Variants in ASTN2 observed in about 807,000 individuals in gnomAD.
ASTN2 encodes the protein astrotactin-2.
In ASTN2, 54 loss-of-function variants were observed where a neutral mutation model predicts 139.8. The ratio of observed to expected loss-of-function variants is 0.39; its 90% CI spans 0.31 to 0.48. The LOEUF (loss-of-function observed/expected upper bound fraction) is 0.48, where lower values mean the gene tolerates loss of function less well. Ranked by LOEUF, ASTN2 falls within the 20% of genes least tolerant of loss-of-function variation. ASTN2 has a pLI of 0.95. For missense variants in ASTN2, 1,565 were observed against 1,725.1 expected (o/e 0.91, Z 1.64); for synonymous variants, 756 against 719.5 (o/e 1.05, Z -0.81).
intron 1 of ASTN2, among the ~76,000 whole-genome samples, chr9:117,333,070 G>C (rs894314981): frequency 4.6e-5 from 7 of 152,170 alleles, no homozygotes; most frequent in Non-Finnish European, 8.8e-5. Flanking sequence ...ATGGTTGCAT[G>C]TATCTGTGAA....
intron 6 of ASTN2, among the ~76,000 whole-genome samples, chr9:117,038,841 A>C (rs17307066): frequency 0.027 from 4,166 of 152,294 alleles, 86 homozygotes; most frequent in Non-Finnish European, 0.046. Context: ...TAACCACCTT[A>C]ATCAGGGTCT....
At chr9:117,343,758 C>A (rs1829129551) in intron 1 of ASTN2, among the ~76,000 whole-genome samples, 1 of 152,116 alleles carries the variant, frequency 6.6e-6, no homozygotes, top group South Asian at 2.1e-4. Context: ...AGTTCTATAC[C>A]AGCTTTATGT....
intron 5 of ASTN2, among the ~76,000 whole-genome samples, chr9:117,057,512 C>T (rs961002793): frequency 6.6e-6 from 1 of 152,200 alleles, no homozygotes; most frequent in Non-Finnish European, 1.5e-5. Flanking sequence ...AAAATGCCCA[C>T]ACCTGAACAG....
At chr9:117,046,328 T>C (rs1347298137) in intron 5 of ASTN2, among the ~76,000 whole-genome samples, 1 of 152,134 alleles carries the variant, frequency 6.6e-6, no homozygotes, top group Admixed American at 6.6e-5. Flanking sequence ...TGTGGATATC[T>C]AAATCCAAAG....
intron 20 of ASTN2, among the ~76,000 whole-genome samples, chr9:116,450,136 A>C (rs72757871): frequency 0.024 from 3,698 of 152,324 alleles, 67 homozygotes; most frequent in Non-Finnish European, 0.035. Flanking sequence ...TACAGCCCAC[A>C]GTCCAAATCT....
intron 3 of ASTN2, among the ~76,000 whole-genome samples, chr9:117,162,449 T>C (rs1830575538): frequency 6.6e-6 from 1 of 152,018 alleles, no homozygotes; most frequent in South Asian, 2.1e-4. Flanking sequence ...AGGCATTCGC[T>C]TATATGCCCA....
intron 5 of ASTN2, among the ~76,000 whole-genome samples, chr9:117,089,525 A>G (rs904623575): frequency 1.0e-4 from 14 of 138,954 alleles, no homozygotes; most frequent in African/African-American, 2.8e-4. Flanking sequence ...TTTTTTCCCC[A>G]TTCTTTATTA....
chr9:116,981,502 C>T (rs1012586985), intron 7 of ASTN2, among the ~76,000 whole-genome samples: 2 of 152,176 alleles, frequency 1.3e-5, no homozygotes, highest in Non-Finnish European at 2.9e-5. Flanking sequence ...CTAGTTCAAA[C>T]TTTCCCAGTT....
chr9:117,079,880 A>G (rs987393739), intron 5 of ASTN2, among the ~76,000 whole-genome samples: 1 of 152,256 alleles, frequency 6.6e-6, no homozygotes, highest in Non-Finnish European at 1.5e-5. Flanking sequence ...ATCACTTACC[A>G]TCTTCTCCAG....
intron 17 of ASTN2, among the ~76,000 whole-genome samples, chr9:116,651,176 C>T (rs1480582408): frequency 6.6e-6 from 1 of 152,078 alleles, no homozygotes; most frequent in Non-Finnish European, 1.5e-5. Flanking sequence ...CTTGGCCTCC[C>T]AAAGTGTTGA....
chr9:117,086,956 T>TA (rs773265554), intron 5 of ASTN2, among the ~76,000 whole-genome samples: 6 of 152,114 alleles, frequency 3.9e-5, no homozygotes, highest in Non-Finnish European at 8.8e-5. Context: ...TACAATGACT[T>TA]AGAGGCTGAT....
intron 16 of ASTN2, 119 bp from the exon 17 acceptor site, chr9:116,651,912 G>T: frequency 1.6e-6 from 2 of 1,256,190 alleles, no homozygotes; most frequent in Non-Finnish European, 2.2e-6. Context: ...GAAGTAAAAA[G>T]ATGATAGAGT....
In ASTN2 at chr9:116,632,198, A is replaced by AGGG. The variant is rs1311718818; in HGVS notation, c.3073-11756_3073-11755insCCC. On this transcript the variant is annotated intron_variant, in intron 17 of 22. Transcript: ENST00000313400. Reference sequence around the variant, plus strand: ...AGAGAGAGAGAGGGAGAGAGAGAGAAAGAAAGAAAAGAAAGAAAGAAAGAA... The same window carrying AGGG: ...AGAGAGAGAGAGGGAGAGAGAGAGAAGGGAGAAAGAAAAGAAAGAAAGAAAGAA... Among the ~76,000 whole-genome samples the AGGG allele has an allele frequency of 9.2e-3, 338 of 36,550 alleles. 1 individual carries two copies. Among genetic ancestry groups the AGGG allele is most frequent in the African/African-American group, 9.7e-3 (87 of 8,974 alleles). The allele number at this position is 36,550 out of a possible 152,430, so 24.0% of individuals were successfully genotyped here.
At position 116,633,527 on chromosome 9, in the gene ASTN2, G is replaced by A. The variant is rs139391844; in HGVS notation, c.3073-13084C>T. On this transcript the variant is annotated intron_variant, in intron 17 of 22. Transcript: ENST00000313400. Reference sequence around the variant, plus strand: ...TAGATAGAAACTCGTCTTTCCTGTGGTGAGAACATCTGGAGATGAGAGGCG... The same window carrying A: ...TAGATAGAAACTCGTCTTTCCTGTGATGAGAACATCTGGAGATGAGAGGCG... 5.9e-3 allele frequency among the ~76,000 whole-genome samples: 902 copies of A among 152,338 alleles called. 10 individuals are homozygous for A. Among genetic ancestry groups the A allele is most frequent in the African/African-American group, 0.02 (846 of 41,570 alleles).
chr9:117,402,252 A>G (rs1564186479), intron 1 of ASTN2, among the ~76,000 whole-genome samples: 1 of 152,098 alleles, frequency 6.6e-6, no homozygotes, highest in African/African-American at 2.4e-5. Context: ...TTTTTAGTAG[A>G]GATGGGGTTT....
At chr9:116,772,613 G>T (rs1829983682) in intron 13 of ASTN2, among the ~76,000 whole-genome samples, 1 of 152,190 alleles carries the variant, frequency 6.6e-6, no homozygotes, top group Non-Finnish European at 1.5e-5. Context: ...AGAAATCTGA[G>T]CACTGCCATG....
chr9:117,051,729 C>A (rs1012772039), intron 5 of ASTN2, among the ~76,000 whole-genome samples: 1 of 152,104 alleles, frequency 6.6e-6, no homozygotes, highest in Non-Finnish European at 1.5e-5. Context: ...GCTGGAAGAA[C>A]CCCTTTTGAT....
At chr9:117,007,969 CCTT>C in intron 7 of ASTN2, 120 bp downstream of exon 7, 1 of 1,074,982 alleles carries the variant, frequency 9.3e-7, no homozygotes. Context: ...GATTGATGGG[CCTT>C]CTTATTCAGC....
intron 6 of ASTN2, among the ~76,000 whole-genome samples, chr9:117,013,569 G>A (rs905336823): frequency 3.3e-5 from 5 of 150,842 alleles, no homozygotes; most frequent in African/African-American, 9.8e-5. Context: ...CAATCATTTC[G>A]TTATCTAGCA....
Sources: gnomAD v4.1 joint callset for allele counts (sites outside exome capture counted in the v4.1 genomes callset) on GRCh38, gnomAD v4.1.1 for gene constraint, MANE v1.5 for transcripts, NCBI Gene and HGNC (gene_info 2026-07-23, HGNC 2026-07-21) for gene names.